The following VAV2 variants were observed in gnomAD, a reference collection of about 807,000 sequenced individuals.
The protein encoded by VAV2 is guanine nucleotide exchange factor VAV2.
Under a neutral mutation model 132.5 loss-of-function variants are expected in VAV2, and 67 were observed. The ratio of observed to expected loss-of-function variants is 0.51; its 90% CI spans 0.42 to 0.62. The LOEUF is 0.62. VAV2 is among the 20% of genes least tolerant of loss of function. The pLI, the probability that VAV2 is intolerant of heterozygous loss-of-function variation, is 0.00. For missense variants in VAV2, 938 were observed against 1,153.6 expected, an observed-to-expected ratio of 0.81 and a Z score of 2.71; for synonymous variants, 492 against 443.5, an observed-to-expected ratio of 1.11 and a Z score of -1.37.
rs1838406990 is a variant in VAV2 at position 133,879,648 on chromosome 9, A to G, written c.322-18216T>C. On this transcript the variant is annotated intron_variant, in intron 2 of 29. Transcript: ENST00000371850. This position sits in a 1 kb window ranked among gnomAD's most constrained non-coding sequence, Gnocchi z 4.4. The stretch of plus-strand genomic sequence containing the variant: ...CAAATCTAAGCAACAAGCCGCACAC[A>G]CCAGGACGAACAGCACTGCTGGCTC... Among the ~76,000 whole-genome samples, 1 of 152,190 alleles carries G rather than the reference A, an allele frequency of 6.6e-6. No individual in the cohort carries two copies. The highest frequency in any genetic ancestry group is 1.5e-5 in the Non-Finnish European group (1 of 68,038).
intron 2 of VAV2, among the ~76,000 whole-genome samples, chr9:133,911,211 A>C (rs1306998910): frequency 6.6e-6 from 1 of 152,196 alleles, no homozygotes; most frequent in Non-Finnish European, 1.5e-5. Context: ...AGCCTGCCTC[A>C]CTCACTAAGC....
intron 19 of VAV2, among the ~76,000 whole-genome samples, chr9:133,782,745 G>A (rs1213262136): frequency 6.6e-6 from 1 of 152,220 alleles, no homozygotes; most frequent in Non-Finnish European, 1.5e-5. Flanking sequence ...CTGCTAATAA[G>A]TGTAGACAAA....
At position 133,962,491 on chromosome 9, in the gene VAV2, G is replaced by C. The variant is rs556963710; in HGVS notation, c.205-23272C>G. Among the ~76,000 whole-genome samples, 12 of 152,242 alleles carry C rather than the reference G, an allele frequency of 7.9e-5. No individual in the cohort carries two copies. In the South Asian group the frequency reaches 2.1e-3, roughly 26 times the overall value. On this transcript the variant is annotated intron_variant, in intron 1 of 29. Coordinates refer to ENST00000371850, the MANE Select transcript of VAV2 (RefSeq NM_001134398.2). Reference sequence around the variant, plus strand: ...GGTCCTCCCTACTCCCCTGGGTCTTGAGGGGCTGCTCATCCCCCAGCCCAG... The same window carrying C: ...GGTCCTCCCTACTCCCCTGGGTCTTCAGGGGCTGCTCATCCCCCAGCCCAG...
At chr9:133,844,474 CAG>C (rs924645671) in intron 3 of VAV2, among the ~76,000 whole-genome samples, 14 of 152,248 alleles carry the variant, frequency 9.2e-5, no homozygotes, top group African/African-American at 3.4e-4. Flanking sequence ...GGCTCTAGGA[CAG>C]GGGCGTTGCG....
chr9:133,957,428 A>ATG (rs909280820), intron 1 of VAV2, among the ~76,000 whole-genome samples: 21 of 151,980 alleles, frequency 1.4e-4, no homozygotes, highest in Non-Finnish European at 2.5e-4. Flanking sequence ...GGGGTTTTTT[A>ATG]TGTGTGTGTG....
At chr9:133,801,815 GC>G (rs1461116004) in intron 9 of VAV2, among the ~76,000 whole-genome samples, 1 of 152,140 alleles carries the variant, frequency 6.6e-6, no homozygotes, top group East Asian at 1.9e-4. Context: ...GAACGAAGCA[GC>G]CCCAGCCAGG....
chr9:133,772,098 G>A (rs764550755), intron 25 of VAV2, 52 bp from the exon 26 acceptor site: 65 of 1,484,706 alleles, frequency 4.4e-5, no homozygotes, highest in African/African-American at 2.2e-4. Context: ...ACACGGCCCC[G>A]GCCCCCTTGG....
intron 1 of VAV2, among the ~76,000 whole-genome samples, chr9:133,978,978 A>G (rs888008514): frequency 2.0e-5 from 3 of 152,148 alleles, no homozygotes; most frequent in Admixed American, 6.5e-5. Flanking sequence ...AGGGCAGGGG[A>G]GTTCGCTGGG....
rs1303588831 is a variant in VAV2 at position 133,804,057 on chromosome 9, C to A, written c.836+2024G>T. 2.6e-5 allele frequency among the ~76,000 whole-genome samples: 4 copies of A among 152,172 alleles called. No homozygotes were observed. Among genetic ancestry groups the A allele is most frequent in the Non-Finnish European group, 5.9e-5 (4 of 68,040 alleles). On this transcript the variant is annotated intron_variant, in intron 9 of 29. Transcript: ENST00000371850. This position sits in a 1 kb window ranked among gnomAD's most constrained non-coding sequence, Gnocchi z 4.5. ...CTATCTTGTCTTGGTTCTCATCCAT[C>A]CCACCCAGCGAGAGGCCAGTAGCTC...
Position 133,783,737 on chromosome 9 carries a change from G to A in VAV2, c.1635-146C>T. 4.2e-6 allele frequency: 3 copies of A among 709,692 alleles called. No homozygotes were observed. The South Asian group carries it at 5.0e-5, about 12-fold the overall frequency. The allele number at this position is 709,692 out of a possible 1,614,324, so 44.0% of individuals were successfully genotyped here. The stretch of plus-strand genomic sequence containing the variant: ...CATCCCTCATAGCCCTGAGTATCCA[G>A]GACCCTCCCTTACCAGGCAGCCTGA... On this transcript the variant is annotated intron_variant, in intron 18 of 29. Transcript: ENST00000371850.
chr9:133,983,407 C>T (rs937996269), intron 1 of VAV2, among the ~76,000 whole-genome samples: 4 of 152,188 alleles, frequency 2.6e-5, no homozygotes, highest in African/African-American at 9.7e-5. Flanking sequence ...AAGGGCTCAA[C>T]AGAGGCACAG....
chr9:133,934,438 G>A (rs866714855), intron 2 of VAV2, among the ~76,000 whole-genome samples: 4 of 152,214 alleles, frequency 2.6e-5, no homozygotes, highest in Non-Finnish European at 4.4e-5. Flanking sequence ...GTGGCTGTGC[G>A]GGTGTTTCCA....
intron 1 of VAV2, among the ~76,000 whole-genome samples, chr9:133,968,284 T>C (rs1226299118): frequency 1.3e-5 from 2 of 152,224 alleles, no homozygotes; most frequent in Non-Finnish European, 1.5e-5. Context: ...ACACACGGTA[T>C]ATGTGTATTA....
chr9:133,988,572 G>C (rs1842924470), intron 1 of VAV2, among the ~76,000 whole-genome samples: 1 of 152,132 alleles, frequency 6.6e-6, no homozygotes, highest in South Asian at 2.1e-4. Flanking sequence ...ATTTTTCTAT[G>C]ACCCAACCAC....
chr9:133,838,722 G>A (rs1336809088), intron 3 of VAV2, among the ~76,000 whole-genome samples: 3 of 148,804 alleles, frequency 2.0e-5, no homozygotes, highest in East Asian at 2.0e-4. Flanking sequence ...TTGATGGATG[G>A]GTGGGTGGAT....
chr9:133,974,819 T>C (rs969801641), intron 1 of VAV2, among the ~76,000 whole-genome samples: 1 of 151,956 alleles, frequency 6.6e-6, no homozygotes, highest in Non-Finnish European at 1.5e-5. Flanking sequence ...ACAAGGCTTC[T>C]GCTTCCAGGA....
chr9:133,897,262 C>G (rs1839247894), intron 2 of VAV2, among the ~76,000 whole-genome samples: 1 of 152,144 alleles, frequency 6.6e-6, no homozygotes, highest in African/African-American at 2.4e-5. Flanking sequence ...ACTAAGTCCC[C>G]CTCCTTCCGC....
chr9:133,878,594 C>G (rs150068717), intron 2 of VAV2, among the ~76,000 whole-genome samples: 4 of 152,328 alleles, frequency 2.6e-5, no homozygotes, highest in African/African-American at 9.6e-5. Context: ...CCTCCACCAC[C>G]GCCAAGTCCT....
At chr9:133,976,011 G>A (rs967107383) in intron 1 of VAV2, among the ~76,000 whole-genome samples, 2 of 150,360 alleles carry the variant, frequency 1.3e-5, no homozygotes, top group African/African-American at 4.9e-5. Flanking sequence ...GCCTGGACAA[G>A]ATGGTAAAAC....
Sources: allele counts gnomAD v4.1 joint callset (sites outside exome capture counted in the v4.1 genomes callset), GRCh38; gene constraint gnomAD v4.1.1; non-coding constraint Gnocchi (gnomAD v3.1); transcripts MANE v1.5; gene names NCBI Gene and HGNC (gene_info 2026-07-23, HGNC 2026-07-21).